The following PCED1B variants were observed in gnomAD, a reference collection of about 807,000 sequenced individuals.
PCED1B encodes the protein PC-esterase domain-containing protein 1B.
For synonymous variants in PCED1B, 251 were observed against 246.1 expected (o/e 1.02, Z -0.19); for missense variants, 573 against 573.9 (o/e 1.00, Z 0.02).
chr12:47,228,083 G>T (rs796774665), intron 3 of PCED1B, among the ~76,000 whole-genome samples: 8 of 149,576 alleles, frequency 5.3e-5, no homozygotes, highest in African/African-American at 2.0e-4. Context: ...GCCCAGGCTG[G>T]AGTTCAGTGA....
intron 3 of PCED1B, among the ~76,000 whole-genome samples, chr12:47,227,757 G>A (rs957298184): frequency 1.3e-5 from 2 of 151,886 alleles, no homozygotes; most frequent in Non-Finnish European, 2.9e-5. Context: ...GGAGACCAAG[G>A]CACGACAATT....
At chr12:47,122,757 G>A (rs543778036) in intron 2 of PCED1B, among the ~76,000 whole-genome samples, 1 of 152,226 alleles carries the variant, frequency 6.6e-6, no homozygotes, top group African/African-American at 2.4e-5. Context: ...TGATTTACAA[G>A]TCTGTCTTGC....
intron 3 of PCED1B, among the ~76,000 whole-genome samples, chr12:47,234,565 A>G (rs1166674767): frequency 2.6e-5 from 4 of 152,208 alleles, no homozygotes; most frequent in African/African-American, 7.2e-5. Context: ...TATCACAAAC[A>G]TTCTCCATGT....
chr12:47,170,751 C>T (rs1335107925), intron 2 of PCED1B, among the ~76,000 whole-genome samples: 1 of 152,158 alleles, frequency 6.6e-6, no homozygotes, highest in Non-Finnish European at 1.5e-5. Context: ...CTCTGTTTTT[C>T]AATAGAAAAT....
chr12:47,101,570 A>C (rs1406646566), intron 1 of PCED1B, among the ~76,000 whole-genome samples: 1 of 152,202 alleles, frequency 6.6e-6, no homozygotes, highest in African/African-American at 2.4e-5. Context: ...AATTATCATC[A>C]TGAGCCCCCT....
chr12:47,139,968 G>A (rs1249769299), intron 2 of PCED1B, among the ~76,000 whole-genome samples: 1 of 152,054 alleles, frequency 6.6e-6, no homozygotes, highest in Non-Finnish European at 1.5e-5. Context: ...TGATGTGTGT[G>A]TGTGGTATAT....
At chr12:47,110,616 C>A (rs1474470515) in intron 2 of PCED1B, among the ~76,000 whole-genome samples, 1 of 152,164 alleles carries the variant, frequency 6.6e-6, no homozygotes, top group Non-Finnish European at 1.5e-5. Flanking sequence ...ATGGCAGAAT[C>A]TATAAATGCA....
chr12:47,173,974 C>T (rs763505342), intron 2 of PCED1B, among the ~76,000 whole-genome samples: 12 of 152,006 alleles, frequency 7.9e-5, no homozygotes, highest in Admixed American at 1.3e-4. Flanking sequence ...GGCCAGCAAA[C>T]AAGTTTAATA....
intron 2 of PCED1B, among the ~76,000 whole-genome samples, chr12:47,180,770 G>A (rs1942068658): frequency 6.6e-6 from 1 of 151,908 alleles, no homozygotes; most frequent in African/African-American, 2.4e-5. Context: ...ATTAAAACGT[G>A]GGCAAAGGAC....
At chr12:47,083,295 T>C (rs1937829786) in intron 1 of PCED1B, among the ~76,000 whole-genome samples, 1 of 152,104 alleles carries the variant, frequency 6.6e-6, no homozygotes, top group Non-Finnish European at 1.5e-5. Context: ...ACGCGTCCTG[T>C]AGTCAGGTGG....
intron 2 of PCED1B, among the ~76,000 whole-genome samples, chr12:47,202,654 G>C (rs1942802376): frequency 6.8e-6 from 1 of 146,912 alleles, no homozygotes; most frequent in Non-Finnish European, 1.5e-5. Context: ...CTGCAAAACT[G>C]TTTGGTTTTA....
At chr12:47,225,497 TATGGC>T (rs1204484440) in intron 3 of PCED1B, among the ~76,000 whole-genome samples, 1 of 152,226 alleles carries the variant, frequency 6.6e-6, no homozygotes, top group African/African-American at 2.4e-5. Context: ...CAAAACTGTA[TATGGC>T]ATGTAATATA....
At chr12:47,163,679 T>C (rs1941458756) in intron 2 of PCED1B, among the ~76,000 whole-genome samples, 3 of 152,190 alleles carry the variant, frequency 2.0e-5, no homozygotes. Flanking sequence ...TAATCATGTG[T>C]TTTCTTCCCC....
chr12:47,230,054 G>T (rs191134238), intron 3 of PCED1B, among the ~76,000 whole-genome samples: 1 of 140,440 alleles, frequency 7.1e-6, no homozygotes, highest in Non-Finnish European at 1.5e-5. Flanking sequence ...GATTACAGGC[G>T]TGAGCCACTG....
At chr12:47,130,829 G>A (rs942912400) in intron 2 of PCED1B, among the ~76,000 whole-genome samples, 6 of 152,196 alleles carry the variant, frequency 3.9e-5, no homozygotes, top group Admixed American at 2.0e-4. Flanking sequence ...TAAGGGTTAA[G>A]ATACATGTTA....
At chr12:47,131,456 C>T (rs1940121833) in intron 2 of PCED1B, among the ~76,000 whole-genome samples, 1 of 152,170 alleles carries the variant, frequency 6.6e-6, no homozygotes, top group Admixed American at 6.5e-5. Flanking sequence ...TGCAGCTCCT[C>T]ATCTGGCAGA....
At chr12:47,175,010 C>CA (rs1312353377) in intron 2 of PCED1B, among the ~76,000 whole-genome samples, 1 of 152,170 alleles carries the variant, frequency 6.6e-6, no homozygotes, top group Non-Finnish European at 1.5e-5. Context: ...ACATGTATAA[C>CA]ATGTAATAAC....
At chr12:47,198,213 T>C (rs1942663971) in intron 2 of PCED1B, among the ~76,000 whole-genome samples, 1 of 152,212 alleles carries the variant, frequency 6.6e-6, no homozygotes, top group African/African-American at 2.4e-5. Context: ...AATGCTTTTT[T>C]TTCGAGGTAT....
intron 3 of PCED1B, among the ~76,000 whole-genome samples, chr12:47,230,924 A>C (rs2137894371): frequency 6.6e-6 from 1 of 152,338 alleles, no homozygotes. Flanking sequence ...CAAACAGTTT[A>C]CGTTTAATCC....
Sources: allele counts gnomAD v4.1 joint callset (sites outside exome capture counted in the v4.1 genomes callset), GRCh38; gene constraint gnomAD v4.1.1; transcripts MANE v1.5; gene names NCBI Gene and HGNC (gene_info 2026-07-23, HGNC 2026-07-21).